CNTN5: variants seen among roughly 807,000 people sequenced by gnomAD.
CNTN5 encodes the protein contactin-5.
CNTN5 carries 77 observed loss-of-function variants against 129.1 expected under a neutral mutation model. That is an observed-to-expected ratio of 0.60 (90% CI 0.50 to 0.72). The LOEUF (loss-of-function observed/expected upper bound fraction) is 0.72. Ranked by LOEUF, CNTN5 falls within the 30% of genes least tolerant of loss-of-function variation. The pLI, the probability that CNTN5 is intolerant of heterozygous loss-of-function variation, is 0.00. For missense variants in CNTN5, 1,478 were observed against 1,328.8 expected (o/e 1.11, Z -1.75); for synonymous variants, 509 against 465.6 (o/e 1.09, Z -1.20).
chr11:99,786,423 AC>A (rs938574579), intron 3 of CNTN5, among the ~76,000 whole-genome samples: 14 of 151,474 alleles, frequency 9.2e-5, no homozygotes, highest in African/African-American at 3.1e-4. Flanking sequence ...AAATGGCCAC[AC>A]CCCCCAAAGT....
intron 8 of CNTN5, among the ~76,000 whole-genome samples, chr11:99,963,568 G>T (rs530432960): frequency 1.2e-4 from 19 of 152,246 alleles, no homozygotes; most frequent in African/African-American, 4.3e-4. Flanking sequence ...TAACCTTGTG[G>T]TATAGTTTGA....
Position 99,638,520 on chromosome 11 carries a change from C to T in CNTN5, c.55+82251C>T, listed in dbSNP as rs969907663. ...AAGTCTCATCTGAGTCAAGTCTCAT[C>T]TTAACTCTTCTGCCTATGAGCCTGT... On this transcript the variant is annotated intron_variant, in intron 3 of 24. Transcript: ENST00000524871. 2.0e-5 allele frequency among the ~76,000 whole-genome samples: 3 copies of T among 152,292 alleles called. No homozygotes were observed. In the East Asian group the frequency reaches 5.8e-4, roughly 29 times the overall value.
At chr11:100,312,047 C>A (rs973280523) in intron 21 of CNTN5, among the ~76,000 whole-genome samples, 1 of 152,028 alleles carries the variant, frequency 6.6e-6, no homozygotes, top group South Asian at 2.1e-4. Context: ...TGACTTTATA[C>A]AAACAAACCG....
At chr11:100,134,976 T>A (rs1187914765) in intron 13 of CNTN5, among the ~76,000 whole-genome samples, 1 of 152,168 alleles carries the variant, frequency 6.6e-6, no homozygotes, top group African/African-American at 2.4e-5. Flanking sequence ...GGCTTGTATG[T>A]AGATAACTCT....
chr11:99,857,236 G>A (rs141977006), intron 6 of CNTN5, among the ~76,000 whole-genome samples: 305 of 152,238 alleles, frequency 2.0e-3, no homozygotes, highest in African/African-American at 7.1e-3. Context: ...CTCATTGAGG[G>A]CAGATTTCAT....
chr11:99,167,899 C>A (rs76195830), intron 1 of CNTN5, among the ~76,000 whole-genome samples: 8 of 151,780 alleles, frequency 5.3e-5, no homozygotes, highest in Non-Finnish European at 7.4e-5. Flanking sequence ...AAAATTAGAT[C>A]TGACCCCAAA....
intron 2 of CNTN5, among the ~76,000 whole-genome samples, chr11:99,485,995 T>A (rs1360205303): frequency 6.6e-6 from 1 of 152,066 alleles, no homozygotes; most frequent in East Asian, 1.9e-4. Context: ...TTAATATGAA[T>A]CTTCTGGGCT....
intron 3 of CNTN5, among the ~76,000 whole-genome samples, chr11:99,696,866 C>A (rs544209635): frequency 1.3e-5 from 2 of 151,870 alleles, no homozygotes; most frequent in Admixed American, 6.6e-5. Context: ...AGGCTGGTTC[C>A]AAGTAATATC....
intron 1 of CNTN5, among the ~76,000 whole-genome samples, chr11:99,130,124 A>T (rs569247519): frequency 1.8e-5 from 2 of 111,314 alleles, no homozygotes; most frequent in African/African-American, 7.3e-5. Flanking sequence ...TATTAACTTT[A>T]AATGTAAATG....
At chr11:99,095,737 G>A (rs896528899) in intron 1 of CNTN5, among the ~76,000 whole-genome samples, 1 of 151,850 alleles carries the variant, frequency 6.6e-6, no homozygotes, top group Non-Finnish European at 1.5e-5. Flanking sequence ...ATGAAATTGG[G>A]ACTGTAGTTT....
intron 23 of CNTN5, among the ~76,000 whole-genome samples, chr11:100,344,640 AT>A (rs1952239891): frequency 2.0e-5 from 3 of 152,104 alleles, no homozygotes; most frequent in African/African-American, 7.2e-5. Flanking sequence ...GATGAGAATA[AT>A]TTGAGTGTTC....
intron 2 of CNTN5, among the ~76,000 whole-genome samples, chr11:99,507,592 T>C (rs1311028301): frequency 6.6e-6 from 1 of 152,034 alleles, no homozygotes; most frequent in Non-Finnish European, 1.5e-5. Flanking sequence ...ACTTTGAAAA[T>C]ATTCTAGAAA....
chr11:99,628,073 G>A (rs1031390401), intron 3 of CNTN5, among the ~76,000 whole-genome samples: 4 of 151,680 alleles, frequency 2.6e-5, no homozygotes, highest in East Asian at 1.9e-4. Context: ...TAATGTATTC[G>A]TTGGTTACAC....
At chr11:99,467,503 C>G (rs1944992672) in intron 2 of CNTN5, among the ~76,000 whole-genome samples, 1 of 152,054 alleles carries the variant, frequency 6.6e-6, no homozygotes, top group East Asian at 1.9e-4. Flanking sequence ...ATGTCTGATC[C>G]TTGTATAAAT....
intron 3 of CNTN5, among the ~76,000 whole-genome samples, chr11:99,721,333 T>C (rs1943165015): frequency 6.6e-6 from 1 of 152,006 alleles, no homozygotes; most frequent in African/African-American, 2.4e-5. Flanking sequence ...AGGCCACACA[T>C]ATATGTCCAT....
At chr11:99,526,438 C>A (rs892174202) in intron 2 of CNTN5, among the ~76,000 whole-genome samples, 9 of 152,186 alleles carry the variant, frequency 5.9e-5, no homozygotes, top group African/African-American at 1.7e-4. Flanking sequence ...AAGTCCGGAA[C>A]TGGCTTTACA....
intron 1 of CNTN5, among the ~76,000 whole-genome samples, chr11:99,068,098 C>T (rs1394189493): frequency 2.6e-5 from 4 of 152,236 alleles, no homozygotes; most frequent in African/African-American, 9.6e-5. Context: ...CCTGTGGCTT[C>T]CCCAGCCATG....
chr11:99,256,251 C>A (rs1339706945), intron 1 of CNTN5, among the ~76,000 whole-genome samples: 1 of 151,878 alleles, frequency 6.6e-6, no homozygotes, highest in East Asian at 1.9e-4. Flanking sequence ...ACATCTAGAC[C>A]CTTTATAGTG....
At chr11:99,139,946 TAA>T (rs1859432177) in intron 1 of CNTN5, among the ~76,000 whole-genome samples, 2 of 152,156 alleles carry the variant, frequency 1.3e-5, no homozygotes, top group African/African-American at 4.8e-5. Context: ...AGATCGATAT[TAA>T]GTGTCTTATG....
Sources: gnomAD v4.1 joint callset for allele counts (sites outside exome capture counted in the v4.1 genomes callset) on GRCh38, gnomAD v4.1.1 for gene constraint, MANE v1.5 for transcripts, NCBI Gene and HGNC (gene_info 2026-07-23, HGNC 2026-07-21) for gene names.